Variants in GTF3C1 observed in about 807,000 individuals in gnomAD.
GTF3C1 encodes general transcription factor 3C polypeptide 1.
Under a neutral mutation model 226.7 loss-of-function variants are expected in GTF3C1, and 57 were observed. That is an observed-to-expected ratio of 0.25 (90% CI 0.20 to 0.31). The LOEUF is 0.31. GTF3C1 is among the 10% of genes least tolerant of loss of function. The pLI is 1.00. For missense variants in GTF3C1, 2,217 were observed against 2,776.1 expected, an observed-to-expected ratio of 0.80 and a Z score of 4.53; for synonymous variants, 1,090 against 1,084.8, an observed-to-expected ratio of 1.00 and a Z score of -0.09.
In GTF3C1 at chr16:27,505,895, T is replaced by G. The variant is rs746158887; in HGVS notation, c.1770+4A>C. On this transcript the variant is annotated splice_donor_region_variant and intron_variant, in intron 10 of 36. Transcript: ENST00000356183. ...GACAGCTCCCTCCCTCTGCATGCACTGACCTTTGGGTTTTCCATCCGGACC... is the reference window on the plus strand; with the variant it reads ...GACAGCTCCCTCCCTCTGCATGCACGGACCTTTGGGTTTTCCATCCGGACC... 6.4e-7 allele frequency: 1 copy of G among 1,550,530 alleles called. No homozygotes were observed. The highest frequency in any genetic ancestry group is 1.4e-5 in the African/African-American group (1 of 73,766).
chr16:27,518,400 A>G (rs2088695089), intron 6 of GTF3C1, among the ~76,000 whole-genome samples: 3 of 152,196 alleles, frequency 2.0e-5, no homozygotes, highest in Admixed American at 1.3e-4. Context: ...TATGGCCTCT[A>G]GGCCTGTTTC....
In GTF3C1 at chr16:27,501,355, C is replaced by G; in HGVS notation, c.1908-11G>C. 1 of 1,613,446 alleles carries G rather than the reference C, an allele frequency of 6.2e-7. No homozygotes were observed. Among genetic ancestry groups the G allele is most frequent in the Non-Finnish European group, 8.5e-7 (1 of 1,179,520 alleles). The stretch of plus-strand genomic sequence containing the variant: ...ATCATCTTCTGAATCCTGGGCATCA[C>G]AAAATAAGCAGATAACACTCCCAAT... On this transcript the variant is annotated splice_polypyrimidine_tract_variant and intron_variant, in intron 11 of 36. Coordinates refer to ENST00000356183, the MANE Select transcript of GTF3C1 (RefSeq NM_001520.4).
In GTF3C1 at chr16:27,506,889, GGTTTGC is replaced by G; in HGVS notation, c.1504_1509del (p.Ala502_Asn503del). The G allele has an allele frequency of 6.2e-7, 1 of 1,613,334 alleles. No individual in the cohort carries two copies. On this transcript the variant is annotated inframe_deletion, in exon 9 of 37. Coordinates refer to ENST00000356183, the MANE Select transcript of GTF3C1 (RefSeq NM_001520.4). Reference sequence around the variant, plus strand: ...TGATGAGGCTGGGTCTTGGGCCGGAGGTTTGCAGAGGCTCTTGTGTCTTTCTGGGAC... The same window carrying G: ...TGATGAGGCTGGGTCTTGGGCCGGAGAGAGGCTCTTGTGTCTTTCTGGGAC...
chr16:27,544,156 G>T (rs1488388355), intron 2 of GTF3C1, among the ~76,000 whole-genome samples: 1 of 151,994 alleles, frequency 6.6e-6, no homozygotes, highest in Non-Finnish European at 1.5e-5. Context: ...TAGGAGGCTG[G>T]GATAGGAGGA....
intron 25 of GTF3C1, chr16:27,483,344 C>T: frequency 3.0e-6 from 2 of 659,572 alleles, no homozygotes; most frequent in East Asian, 6.0e-5. Flanking sequence ...ACCTTGGCTT[C>T]TCTGAACTTC....
intron 29 of GTF3C1, among the ~76,000 whole-genome samples, chr16:27,474,852 G>A (rs1372943871): frequency 1.3e-5 from 2 of 152,244 alleles, no homozygotes; most frequent in African/African-American, 4.8e-5. Context: ...TGCACAGCAA[G>A]TGTATGAGGA....
At chr16:27,514,762 TCA>T (rs1408429600) in intron 6 of GTF3C1, among the ~76,000 whole-genome samples, 1 of 152,190 alleles carries the variant, frequency 6.6e-6, no homozygotes. Flanking sequence ...GCCAAGGAAT[TCA>T]CACAAACAAA....
chr16:27,512,724 A>G (rs1567405107), intron 6 of GTF3C1, among the ~76,000 whole-genome samples: 1 of 152,242 alleles, frequency 6.6e-6, no homozygotes, highest in Non-Finnish European at 1.5e-5. Flanking sequence ...AGATATACGT[A>G]TATGTAGGTA....
At position 27,463,019 on chromosome 16, in the gene GTF3C1, G is replaced by C. The variant is rs1323674989; in HGVS notation, c.5924+522C>G. The stretch of plus-strand genomic sequence containing the variant: ...CATCGCTATGGCTGGGCCTTGGAGG[G>C]GGCACACCTGAGCTCTTGAAAGCCA... On this transcript the variant is annotated intron_variant, in intron 35 of 36. Coordinates refer to ENST00000356183, the MANE Select transcript of GTF3C1 (RefSeq NM_001520.4). The surrounding 1 kb of genome is among the most constrained non-coding windows in gnomAD (Gnocchi z 4.9). 1 of 172,452 alleles carries C rather than the reference G, an allele frequency of 5.8e-6. No homozygotes were observed. The highest frequency in any genetic ancestry group is 2.4e-5 in the African/African-American group (1 of 41,960). 10.7% of individuals were successfully genotyped at this position (172,452 alleles called of 1,614,324 possible).
chr16:27,463,156 T>C lies in GTF3C1; in HGVS notation c.5924+385A>G. On this transcript the variant is annotated intron_variant, in intron 35 of 36. Coordinates refer to ENST00000356183, the MANE Select transcript of GTF3C1 (RefSeq NM_001520.4). The surrounding 1 kb of genome is among the most constrained non-coding windows in gnomAD (Gnocchi z 4.9). ...CCTTGCTTCCTGTAACTCTGTGGCA[T>C]GGTTGTCCCGGGGGCAGCTGGGCAT... The C allele has an allele frequency of 4.2e-6, 1 of 236,678 alleles. No individual in the cohort carries two copies. The highest frequency in any genetic ancestry group is 8.1e-6 in the Non-Finnish European group (1 of 123,508). 14.7% of individuals were successfully genotyped at this position (236,678 alleles called of 1,614,324 possible). A position where few individuals can be genotyped will look rare whatever the true frequency, so the allele number is the denominator to read the frequency against.
At chr16:27,537,639 C>T (rs1174513698) in intron 4 of GTF3C1, 145 bp downstream of exon 4, 16 of 616,632 alleles carry the variant, frequency 2.6e-5, no homozygotes, top group Non-Finnish European at 3.7e-5. Context: ...AACTCTTGGC[C>T]TCAAGCAGTT....
chr16:27,489,386 T>C lies in GTF3C1; in HGVS notation c.3294-208A>G, dbSNP rs112689778. ...TAAGTCAAAAATCCAGATTTTTATA[T>C]AAAATTCCCAAAATAAATTTTGACA... On this transcript the variant is annotated intron_variant, in intron 20 of 36. Coordinates refer to ENST00000356183, the MANE Select transcript of GTF3C1 (RefSeq NM_001520.4). Among the ~76,000 whole-genome samples, 1,053 of 152,374 alleles carry C rather than the reference T, an allele frequency of 6.9e-3. 15 individuals are homozygous for C. The highest frequency in any genetic ancestry group is 0.024 in the African/African-American group (1,004 of 41,594).
chr16:27,499,013 C>A (rs1464443865), intron 12 of GTF3C1, among the ~76,000 whole-genome samples: 1 of 152,176 alleles, frequency 6.6e-6, no homozygotes, highest in African/African-American at 2.4e-5. Context: ...TGTCTCCCTG[C>A]AAGTCCCTTA....
At chr16:27,535,339 G>A (rs1052420027) in intron 4 of GTF3C1, among the ~76,000 whole-genome samples, 4 of 152,144 alleles carry the variant, frequency 2.6e-5, no homozygotes, top group South Asian at 2.1e-4. Flanking sequence ...TTGGGAGGCC[G>A]AGGTGGGCGT....
intron 28 of GTF3C1, 80 bp downstream of exon 28, chr16:27,478,389 G>T: frequency 9.9e-7 from 1 of 1,008,422 alleles, no homozygotes; most frequent in Non-Finnish European, 1.6e-6. Flanking sequence ...TTTGGCCCTA[G>T]ATTACCCCAG....
chr16:27,524,458 T>C (rs909586912), intron 6 of GTF3C1, among the ~76,000 whole-genome samples: 40 of 152,160 alleles, frequency 2.6e-4, no homozygotes, highest in African/African-American at 9.4e-4. Context: ...GGAAAGTGGG[T>C]ACTATTACCC....
intron 6 of GTF3C1, among the ~76,000 whole-genome samples, chr16:27,519,988 C>T (rs1266278661): frequency 6.6e-6 from 1 of 152,100 alleles, no homozygotes; most frequent in Non-Finnish European, 1.5e-5. Context: ...GGTGGCACAC[C>T]CCTGTAGTCC....
intron 23 of GTF3C1, 121 bp downstream of exon 23, chr16:27,488,106 G>A (rs936429744): frequency 5.1e-6 from 4 of 788,482 alleles, no homozygotes; most frequent in African/African-American, 1.7e-5. Flanking sequence ...GCCACACATC[G>A]AGGGAAGGCG....
At position 27,465,366 on chromosome 16, in the gene GTF3C1, A is replaced by C; in HGVS notation, c.5249T>G (p.Ile1750Arg). Residue 1750 changes from isoleucine to arginine, a missense_variant, in exon 33 of 37, where the codon ATA (isoleucine) becomes AGA (arginine). By Grantham distance (97) the Ile-to-Arg change is moderately conservative. Transcript: ENST00000356183. The stretch of plus-strand genomic sequence containing the variant: ...GTCAATCCCAAAACAACCCGTGGCT[A>C]TAATGGCTTCCAAGATCTCCAAGGC... ...TAALEILEAI[I>R]ATGCFGIDKE... 1 of 1,614,208 alleles carries C rather than the reference A, an allele frequency of 6.2e-7. No homozygotes were observed. The highest frequency in any genetic ancestry group is 1.1e-5 in the South Asian group (1 of 91,082).
Sources: gnomAD v4.1 joint callset for allele counts (sites outside exome capture counted in the v4.1 genomes callset) on GRCh38, gnomAD v4.1.1 for gene constraint, Gnocchi (gnomAD v3.1) non-coding constraint, MANE v1.5 for transcripts, NCBI Gene and HGNC (gene_info 2026-07-23, HGNC 2026-07-21) for gene names.